Variants in ROS1 observed in about 807,000 individuals in gnomAD.
ROS1 encodes ROS proto-oncogene 1, receptor tyrosine kinase.
Under a neutral mutation model 273.5 loss-of-function variants are expected in ROS1, and 263 were observed. The ratio of observed to expected loss-of-function variants is 0.96; its 90% CI spans 0.87 to 1.06. The LOEUF is 1.06. ROS1 is among the 50% of genes least tolerant of loss of function. The pLI is 0.00. For missense variants in ROS1, 2,833 were observed against 2,751.1 expected, an observed-to-expected ratio of 1.03 and a Z score of -0.67; for synonymous variants, 1,008 against 954.1, an observed-to-expected ratio of 1.06 and a Z score of -1.04.
intron 5 of ROS1, among the ~76,000 whole-genome samples, chr6:117,405,425 C>G (rs1774318445): frequency 6.6e-6 from 1 of 152,158 alleles, no homozygotes; most frequent in African/African-American, 2.4e-5. Context: ...AAGCAAAGCA[C>G]AGCTCCATTT....
intron 2 of ROS1, 100 bp from the exon 3 acceptor site, chr6:117,416,417 GT>G: frequency 1.3e-6 from 1 of 789,252 alleles, no homozygotes; most frequent in Non-Finnish European, 2.2e-6. Flanking sequence ...ATCACTCTGT[GT>G]TTTAGAAATA....
At chr6:117,363,012 T>C in intron 21 of ROS1, 147 bp from the exon 22 acceptor site, 2 of 729,494 alleles carry the variant, frequency 2.7e-6, no homozygotes, top group Non-Finnish European at 4.3e-6. Flanking sequence ...TTCTTAAAGA[T>C]CTTCAGGAGA....
intron 28 of ROS1, 47 bp from the exon 29 acceptor site, chr6:117,342,591 T>A: frequency 8.5e-7 from 1 of 1,173,276 alleles, no homozygotes; most frequent in Non-Finnish European, 1.2e-6. Context: ...TAACATTTTA[T>A]ACAAATTGGT....
chr6:117,410,242 A>G (rs1484669089), intron 4 of ROS1, among the ~76,000 whole-genome samples: 1 of 152,228 alleles, frequency 6.6e-6, no homozygotes, highest in Non-Finnish European at 1.5e-5. Flanking sequence ...TATGGTTTGA[A>G]AAAACACTGA....
intron 32 of ROS1, among the ~76,000 whole-genome samples, chr6:117,330,785 G>GCAT (rs1423624418): frequency 6.6e-6 from 1 of 152,024 alleles, no homozygotes; most frequent in Non-Finnish European, 1.5e-5. Flanking sequence ...GACAACAACA[G>GCAT]CATCATCATC....
At chr6:117,405,100 T>C (rs1346016144) in intron 5 of ROS1, among the ~76,000 whole-genome samples, 1 of 152,188 alleles carries the variant, frequency 6.6e-6, no homozygotes, top group Admixed American at 6.5e-5. Flanking sequence ...TTTTCCAAAA[T>C]TGTGATGAAT....
In ROS1 at chr6:117,394,022, A is replaced by T. The variant is rs977771444; in HGVS notation, c.1191+140T>A. 2.4e-5 allele frequency: 12 copies of T among 505,292 alleles called. No individual in the cohort carries two copies. The African/African-American group carries it at 2.4e-4, about 10-fold the overall frequency. The allele number at this position is 505,292 out of a possible 1,614,324, so 31.3% of individuals were successfully genotyped here. On this transcript the variant is annotated intron_variant, in intron 11 of 43. Transcript: ENST00000368507. ...CTCCTATAGGCCAGATCTATGATTC[A>T]TTGATAACCTAGTATCTAAGGCATA...
At chr6:117,333,533 CACA>C (rs1296651646) in intron 32 of ROS1, among the ~76,000 whole-genome samples, 1 of 151,974 alleles carries the variant, frequency 6.6e-6, no homozygotes, top group Non-Finnish European at 1.5e-5. Flanking sequence ...TGGGAAGAGA[CACA>C]ACAACAAACT....
chr6:117,396,883 T>C (rs1359346185), intron 8 of ROS1, 32 bp downstream of exon 8: 2 of 1,454,842 alleles, frequency 1.4e-6, no homozygotes, highest in Admixed American at 3.4e-5. Flanking sequence ...GCCATGCTGG[T>C]TACATTTTCC....
intron 32 of ROS1, among the ~76,000 whole-genome samples, chr6:117,330,966 G>A (rs752371741): frequency 2.0e-4 from 31 of 152,128 alleles, no homozygotes; most frequent in Non-Finnish European, 3.5e-4. Flanking sequence ...CTCCATTAAG[G>A]GTGCAGAACT....
chr6:117,415,575 T>C (rs1308998844), intron 3 of ROS1, among the ~76,000 whole-genome samples: 3 of 152,200 alleles, frequency 2.0e-5, no homozygotes, highest in African/African-American at 7.2e-5. Context: ...GATTCTGTTA[T>C]TATCCTAAAA....
intron 18 of ROS1, among the ~76,000 whole-genome samples, chr6:117,378,802 T>A (rs1781549014): frequency 6.6e-6 from 1 of 152,128 alleles, no homozygotes; most frequent in South Asian, 2.1e-4. Flanking sequence ...GAAAAGCTTA[T>A]CCATACACTT....
intron 2 of ROS1, among the ~76,000 whole-genome samples, chr6:117,416,806 G>T (rs931102946): frequency 3.3e-5 from 5 of 152,114 alleles, no homozygotes; most frequent in African/African-American, 1.2e-4. Context: ...CCCCACAGCT[G>T]CCCTGAAAAC....
intron 5 of ROS1, among the ~76,000 whole-genome samples, chr6:117,407,285 G>C (rs775312258): frequency 6.6e-6 from 1 of 152,118 alleles, no homozygotes; most frequent in Non-Finnish European, 1.5e-5. Context: ...TCTACAGCTC[G>C]GTGGGAGGAT....
chr6:117,421,882 C>T lies in ROS1; in HGVS notation c.124-3376G>A, dbSNP rs538128045. The stretch of plus-strand genomic sequence containing the variant: ...TATTGATAATTTCTTTTTAGGGAGT[C>T]TAAATTTTTTAATTAGGCTTCTTAA... On this transcript the variant is annotated intron_variant, in intron 1 of 43. Coordinates refer to ENST00000368507, the MANE Select transcript of ROS1 (RefSeq NM_001378902.1). 3.3e-5 allele frequency among the ~76,000 whole-genome samples: 5 copies of T among 152,150 alleles called. No homozygotes were observed. The East Asian group carries it at 9.6e-4, about 29-fold the overall frequency.
At position 117,320,026 on chromosome 6, in the gene ROS1, G is replaced by A. The variant is rs2128559187; in HGVS notation, c.5764C>T (p.Leu1922Phe). 3 of 1,612,956 alleles carry A rather than the reference G, an allele frequency of 1.9e-6. No individual in the cohort carries two copies. In the East Asian group the frequency reaches 6.7e-5, roughly 36 times the overall value. Residue 1922 changes from leucine to phenylalanine, a missense_variant, in exon 37 of 44, where the codon CTT becomes TTT. Physicochemically the swap from Leu to Phe is conservative, Grantham distance 22. Transcript: ENST00000368507. ...LANACYAIHT[L>F]PTQEEIENLP... is the part of the protein sequence containing the mutation. ...TTTTCAATCTCCTCTTGGGTTGGAA[G>A]AGTACTGTAAAATAGCAACATTTTT...
intron 24 of ROS1, 46 bp downstream of exon 24, chr6:117,359,763 A>G (rs1387118697): frequency 6.6e-7 from 1 of 1,507,100 alleles, no homozygotes; most frequent in Non-Finnish European, 9.2e-7. Flanking sequence ...TGTCATATGC[A>G]AATACTTCAC....
intron 34 of ROS1, 44 bp downstream of exon 34, chr6:117,326,180 C>A (rs780587468): frequency 5.1e-6 from 6 of 1,175,256 alleles, no homozygotes; most frequent in East Asian, 2.8e-5. Flanking sequence ...TATTACTGAA[C>A]CTTTAGGTAA....
intron 14 of ROS1, 46 bp downstream of exon 14, chr6:117,387,734 C>A: frequency 6.3e-7 from 1 of 1,579,644 alleles, no homozygotes; most frequent in Non-Finnish European, 8.6e-7. Flanking sequence ...CTCAGCTAGT[C>A]CTCTTTTTGT....
Sources: allele counts gnomAD v4.1 joint callset (sites outside exome capture counted in the v4.1 genomes callset), GRCh38; gene constraint gnomAD v4.1.1; transcripts MANE v1.5; gene names NCBI Gene and HGNC (gene_info 2026-07-23, HGNC 2026-07-21).